The following KLF7 variants were observed in gnomAD, a reference collection of about 807,000 sequenced individuals.
The protein encoded by KLF7 is KLF transcription factor 7.
Under a neutral mutation model 27.3 loss-of-function variants are expected in KLF7, and 2 were observed. That is an observed-to-expected ratio of 0.07 (90% confidence interval 0.03 to 0.23). The LOEUF (loss-of-function observed/expected upper bound fraction) is 0.23. Ranked by LOEUF, KLF7 falls within the 10% of genes least tolerant of loss-of-function variation. The pLI is 1.00. For missense variants in KLF7, 221 were observed against 394.1 expected (o/e 0.56, Z 3.72); for synonymous variants, 165 against 162.4 (o/e 1.02, Z -0.12).
At chr2:207,166,806 G>T, upstream of KLF7, 1 of 1,004,988 alleles carries the variant, frequency 1.0e-6, no homozygotes, top group Non-Finnish European at 1.2e-6. Context: ...AACTCCCCAC[G>T]GGCTGCCAGG....
At chr2:207,170,215 G>A (rs1211969038), upstream of KLF7, among the ~76,000 whole-genome samples, 1 of 152,230 alleles carries the variant, frequency 6.6e-6, no homozygotes, top group Non-Finnish European at 1.5e-5. Context: ...TTTTAGTGGT[G>A]TGGATGGAAG....
chr2:207,084,536 C>CA (rs952870241), intron 3 of KLF7, among the ~76,000 whole-genome samples: 79 of 147,776 alleles, frequency 5.3e-4, no homozygotes, highest in Admixed American at 1.3e-3. Context: ...GTTCAAATTC[C>CA]AAAAAAAAAA....
intron 1 of KLF7, among the ~76,000 whole-genome samples, chr2:207,124,739 T>C (rs1027560606): frequency 2.0e-5 from 3 of 152,172 alleles, no homozygotes; most frequent in African/African-American, 4.8e-5. Flanking sequence ...ATTTCCCCTC[T>C]AGAAATTATC....
intron 2 of KLF7, chr2:207,110,131 GCTC>G (rs1482009998): frequency 6.5e-6 from 1 of 154,786 alleles, no homozygotes; most frequent in African/African-American, 2.4e-5. Context: ...ATAATTCACA[GCTC>G]CTGACAAAAT....
At chr2:207,143,282 C>T (rs747331230) in intron 1 of KLF7, among the ~76,000 whole-genome samples, 1 of 151,800 alleles carries the variant, frequency 6.6e-6, no homozygotes, top group Non-Finnish European at 1.5e-5. Context: ...TTCTCATCAT[C>T]AAATAAAAGA....
intron 2 of KLF7, among the ~76,000 whole-genome samples, chr2:207,088,931 G>A (rs918580001): frequency 2.0e-5 from 3 of 152,084 alleles, no homozygotes; most frequent in African/African-American, 7.2e-5. Flanking sequence ...CACAGTCCAG[G>A]CAGAAAGGAA....
At chr2:207,085,605 G>C (rs1005729686) in intron 3 of KLF7, among the ~76,000 whole-genome samples, 1 of 152,202 alleles carries the variant, frequency 6.6e-6, no homozygotes, top group African/African-American at 2.4e-5. Context: ...ACAAAACCCA[G>C]TGTCTGCAAG....
rs147080311 is a variant in KLF7, at chr2:207,154,040, A to G, written c.102+11427T>C. Among the ~76,000 whole-genome samples, 414 of 152,306 alleles carry G rather than the reference A, an allele frequency of 2.7e-3. 1 individual carries two copies. Among genetic ancestry groups the G allele is most frequent in the Non-Finnish European group, 5.1e-3 (345 of 68,022 alleles). On this transcript the variant is annotated intron_variant, in intron 1 of 3. Transcript: ENST00000309446. ...TAAAACTCTCAACAGGAACAACCAC[A>G]TCAAATTATTGCTTTTCAGAGGCCA...
intron 2 of KLF7, among the ~76,000 whole-genome samples, chr2:207,099,550 C>CTATATATATATA (rs1359258095): frequency 3.1e-4 from 7 of 22,846 alleles, no homozygotes; most frequent in South Asian, 1.8e-3. Context: ...GCTACATATG[C>CTATATATATATA]GATATATATA....
intron 1 of KLF7, among the ~76,000 whole-genome samples, chr2:207,143,357 G>GAGA (rs1210840805): frequency 6.9e-6 from 1 of 145,790 alleles, no homozygotes; most frequent in Non-Finnish European, 1.5e-5. Context: ...GGAGGAGGAG[G>GAGA]AGAAGAAAAT....
At chr2:207,122,776 C>T (rs1177822665) in intron 2 of KLF7, among the ~76,000 whole-genome samples, 1 of 152,180 alleles carries the variant, frequency 6.6e-6, no homozygotes. Flanking sequence ...TGCTTTTATA[C>T]TTCCACTTAC....
chr2:207,139,757 C>G (rs1292166812), intron 1 of KLF7, among the ~76,000 whole-genome samples: 5 of 152,228 alleles, frequency 3.3e-5, no homozygotes, highest in Non-Finnish European at 5.9e-5. Flanking sequence ...TCCGAGTTCT[C>G]TCTGGTCATT....
Position 207,080,465 on chromosome 2 carries a change from A to C in KLF7, c.*748T>G, listed in dbSNP as rs1201332995. The C allele has an allele frequency of 5.3e-6, 1 of 187,390 alleles. No homozygotes were observed. The highest frequency in any genetic ancestry group is 2.3e-5 in the African/African-American group (1 of 43,060). The allele number at this position is 187,390 out of a possible 1,614,324, so 11.6% of individuals were successfully genotyped here. A position where few individuals can be genotyped will look rare whatever the true frequency, so the allele number is the denominator to read the frequency against. ...GCAAAAGTCAAAACGTAAGAAAAGA[A>C]AACTCCTCCCTTGAGAGTGAAGTCT... On this transcript the variant is annotated 3_prime_UTR_variant, in exon 4 of 4. Transcript: ENST00000309446.
chr2:207,137,903 T>C (rs2106046147), intron 1 of KLF7, among the ~76,000 whole-genome samples: 1 of 152,248 alleles, frequency 6.6e-6, no homozygotes, highest in South Asian at 2.1e-4. Context: ...AAAAGTAAAA[T>C]TGTGCTTTGC....
At chr2:207,164,264 C>T (rs1021483425) in intron 1 of KLF7, among the ~76,000 whole-genome samples, 3 of 152,230 alleles carry the variant, frequency 2.0e-5, no homozygotes, top group Admixed American at 1.3e-4. Context: ...CCTTAACAAG[C>T]TGCTGTCACT....
chr2:207,151,175 G>A (rs1247690184), intron 1 of KLF7, among the ~76,000 whole-genome samples: 1 of 152,118 alleles, frequency 6.6e-6, no homozygotes, highest in Non-Finnish European at 1.5e-5. Flanking sequence ...TGCCTCCCGA[G>A]GTAATTCTGT....
intron 1 of KLF7, among the ~76,000 whole-genome samples, chr2:207,155,273 G>A (rs2078351508): frequency 1.3e-5 from 2 of 152,330 alleles, no homozygotes; most frequent in East Asian, 3.9e-4. Context: ...ATATGAGACA[G>A]TACTATGATG....
At chr2:207,138,940 A>C (rs554478032) in intron 1 of KLF7, among the ~76,000 whole-genome samples, 1 of 152,312 alleles carries the variant, frequency 6.6e-6, no homozygotes, top group South Asian at 2.1e-4. Flanking sequence ...CAATAACTTG[A>C]GTTCTTCCTT....
chr2:207,141,553 T>C (rs561742515), intron 1 of KLF7, among the ~76,000 whole-genome samples: 1 of 152,252 alleles, frequency 6.6e-6, no homozygotes, highest in African/African-American at 2.4e-5. Flanking sequence ...AGTTGGTACA[T>C]AGCACCAGCT....
Sources: gnomAD v4.1 joint callset for allele counts (sites outside exome capture counted in the v4.1 genomes callset) on GRCh38, gnomAD v4.1.1 for gene constraint, MANE v1.5 for transcripts, NCBI Gene and HGNC (gene_info 2026-07-23, HGNC 2026-07-21) for gene names.